The following CXCR5 variants were observed in gnomAD, a reference collection of about 807,000 sequenced individuals.
CXCR5 encodes the protein C-X-C chemokine receptor type 5.
A neutral mutation model predicts 5.6 loss-of-function variants in CXCR5; 3 were observed. That is an observed-to-expected ratio of 0.54 (90% CI 0.24 to 1.39). The LOEUF (loss-of-function observed/expected upper bound fraction) is 1.39. Among genes scored for constraint, CXCR5 ranks in the 40% most tolerant of loss-of-function variants. The probability of loss-of-function intolerance (pLI) is 0.16; values close to 1 mark genes in which losing one functional copy is unlikely to be tolerated. For missense variants in CXCR5, 333 were observed against 494.6 expected, an observed-to-expected ratio of 0.67 and a Z score of 3.10; for synonymous variants, 218 against 219.9, an observed-to-expected ratio of 0.99 and a Z score of 0.08.
Position 118,896,467 on chromosome 11 carries a change from T to G in CXCR5, c.*1804T>G, listed in dbSNP as rs1214845468. The G allele has an allele frequency of 6.6e-6, 1 of 151,696 alleles. No individual in the cohort carries two copies. The highest frequency in any genetic ancestry group is 1.5e-5 in the Non-Finnish European group (1 of 67,928). The allele number at this position is 151,696 out of a possible 1,614,324, so 9.4% of individuals were successfully genotyped here. On this transcript the variant is annotated 3_prime_UTR_variant, in exon 2 of 2. Coordinates refer to ENST00000292174, the MANE Select transcript of CXCR5 (RefSeq NM_001716.5). The stretch of plus-strand genomic sequence containing the variant: ...CACAGAGTCAGACAGTTTGGGGGGG[T>G]CTTGGGCCAGGGGTGGAGGGCTCAA...
rs1565607304 is a variant in CXCR5, at chr11:118,894,480, G to A, written c.936G>A (p.Leu312=). 4.3e-6 allele frequency: 7 copies of A among 1,611,540 alleles called. No homozygotes were observed. The highest frequency in any genetic ancestry group is 3.4e-6 in the Non-Finnish European group (4 of 1,178,316). Residue 312 remains leucine, a synonymous_variant, in exon 2 of 2, where the codon CTG becomes CTA. Coordinates refer to ENST00000292174, the MANE Select transcript of CXCR5 (RefSeq NM_001716.5). The surrounding 1 kb of genome is among the most constrained non-coding windows in gnomAD (Gnocchi z 6.1). The stretch of plus-strand genomic sequence containing the variant: ...TCACCATGTGTGAGTTCCTGGGCCT[G>A]GCCCACTGCTGCCTCAACCCCATGC... ...VAITMCEFLG[L]AHCCLNPMLY...
In CXCR5 at chr11:118,897,507, C is replaced by T; in HGVS notation, c.*2844C>T. ...ATGTTCTCCCTGAATCACTCAGCAG[C>T]AGACAGGCTGCCGCCCTGGGGGTCT... On this transcript the variant is annotated 3_prime_UTR_variant, in exon 2 of 2. Coordinates refer to ENST00000292174, the MANE Select transcript of CXCR5 (RefSeq NM_001716.5). The T allele has an allele frequency of 6.0e-6, 2 of 334,562 alleles. No homozygotes were observed. The highest frequency in any genetic ancestry group is 4.6e-5 in the South Asian group (2 of 43,802). 20.7% of individuals were successfully genotyped at this position (334,562 alleles called of 1,614,324 possible). A position where few individuals can be genotyped will look rare whatever the true frequency, so the allele number is the denominator to read the frequency against.
chr11:118,886,407 A>AT (rs1939711449), intron 1 of CXCR5: 1 of 426,314 alleles, frequency 2.3e-6, no homozygotes, highest in East Asian at 7.2e-5. Flanking sequence ...GTCATTCTGT[A>AT]TTCCATTTGT....
At position 118,893,963 on chromosome 11, in the gene CXCR5, T is replaced by A. The variant is rs1416706194; in HGVS notation, c.419T>A (p.Leu140Gln). The A allele has an allele frequency of 6.2e-7, 1 of 1,613,972 alleles. No homozygotes were observed. The highest frequency in any genetic ancestry group is 1.7e-5 in the Admixed American group (1 of 60,018). Residue 140 changes from leucine to glutamine, a missense_variant, in exon 2 of 2, where the codon CTG becomes CAG. Coordinates refer to ENST00000292174, the MANE Select transcript of CXCR5 (RefSeq NM_001716.5). The surrounding 1 kb of genome is among the most constrained non-coding windows in gnomAD (Gnocchi z 5.7). Reference protein sequence around the residue: ...KVNFYCSSLLLACIAVDRYLA... With the variant: ...KVNFYCSSLLQACIAVDRYLA... ...AACTTCTACTGCAGCAGCCTGCTCC[T>A]GGCCTGCATCGCCGTGGACCGCTAC...
intron 1 of CXCR5, chr11:118,887,373 T>C: frequency 1.0e-6 from 1 of 985,434 alleles, no homozygotes; most frequent in Non-Finnish European, 1.2e-6. Context: ...TCTGCCTGCA[T>C]CTTGGACTGT....
chr11:118,893,676 C>A lies in CXCR5; in HGVS notation c.132C>A (p.Pro44=). Residue 44 remains proline, a synonymous_variant, in exon 2 of 2, where the codon CCC becomes CCA. Coordinates refer to ENST00000292174, the MANE Select transcript of CXCR5 (RefSeq NM_001716.5). This position sits in a 1 kb window ranked among gnomAD's most constrained non-coding sequence, Gnocchi z 5.7. ...ENHLCPATEG[P]LMASFKAVFV... ...ATCTCTGCCCTGCCACAGAGGGGCC[C>A]CTCATGGCCTCCTTCAAGGCCGTGT... The A allele has an allele frequency of 6.2e-7, 1 of 1,613,952 alleles. No homozygotes were observed. The highest frequency in any genetic ancestry group is 8.5e-7 in the Non-Finnish European group (1 of 1,179,830).
intron 1 of CXCR5, among the ~76,000 whole-genome samples, chr11:118,890,300 G>A (rs1181429439): frequency 1.3e-5 from 2 of 152,170 alleles, no homozygotes; most frequent in African/African-American, 4.8e-5. Context: ...GTCAGCACAC[G>A]TCTGTCCTAC....
In CXCR5 at chr11:118,897,465, C is replaced by T. The variant is rs769215527; in HGVS notation, c.*2802C>T. 3.7e-6 allele frequency: 1 copy of T among 268,114 alleles called. No homozygotes were observed. The allele number at this position is 268,114 out of a possible 1,614,324, so 16.6% of individuals were successfully genotyped here. A position where few individuals can be genotyped will look rare whatever the true frequency, so the allele number is the denominator to read the frequency against. ...CCCGTGTCACCGGTGTGGGCAAACA[C>T]ACATGCACGTGCACACATGTTCTCC... On this transcript the variant is annotated 3_prime_UTR_variant, in exon 2 of 2. Transcript: ENST00000292174.
intron 1 of CXCR5, among the ~76,000 whole-genome samples, chr11:118,889,636 G>A (rs142007521): frequency 6.6e-5 from 10 of 152,212 alleles, no homozygotes; most frequent in Non-Finnish European, 1.0e-4. Flanking sequence ...TGCCACTCCC[G>A]AACCCCCAAA....
At chr11:118,887,270 C>T (rs907538887) in intron 1 of CXCR5, 1 of 985,268 alleles carries the variant, frequency 1.0e-6, no homozygotes, top group Non-Finnish European at 1.2e-6. Flanking sequence ...AATCAGGACA[C>T]AAGAATGAGC....
chr11:118,892,145 T>C (rs1228731374), intron 1 of CXCR5, among the ~76,000 whole-genome samples: 2 of 152,150 alleles, frequency 1.3e-5, no homozygotes, highest in East Asian at 3.8e-4. Flanking sequence ...GGCAGAGGGA[T>C]GCTGCGGGAA....
At position 118,894,508 on chromosome 11, in the gene CXCR5, T is replaced by C; in HGVS notation, c.964T>C (p.Tyr322His). The change falls in exon 2 of 2, where the codon TAC becomes CAC. Residue 322 changes from tyrosine (Y) to histidine (H), a missense_variant. Physicochemically the swap from Tyr to His is moderately conservative, Grantham distance 83. Coordinates refer to ENST00000292174, the MANE Select transcript of CXCR5 (RefSeq NM_001716.5). The surrounding 1 kb of genome is among the most constrained non-coding windows in gnomAD (Gnocchi z 6.1). Reference protein sequence around the residue: ...LAHCCLNPMLYTFAGVKFRSD... With the variant: ...LAHCCLNPMLHTFAGVKFRSD... ...CCACTGCTGCCTCAACCCCATGCTC[T>C]ACACTTTCGCCGGCGTGAAGTTCCG... The C allele has an allele frequency of 6.3e-7, 1 of 1,598,998 alleles. No homozygotes were observed. The highest frequency in any genetic ancestry group is 8.5e-7 in the Non-Finnish European group (1 of 1,170,374).
chr11:118,891,871 CAAAA>C (rs754547926), intron 1 of CXCR5, among the ~76,000 whole-genome samples: 1 of 34,614 alleles, frequency 2.9e-5, no homozygotes, highest in African/African-American at 8.7e-5. Context: ...AACTCCCCCT[CAAAA>C]AAAAAAAAAA....
chr11:118,893,673 G>A lies in CXCR5; in HGVS notation c.129G>A (p.Gly43=), dbSNP rs2230319. ...VENHLCPATE[G]PLMASFKAVF... is the part of the protein sequence containing the mutation. ...ATCATCTCTGCCCTGCCACAGAGGG[G>A]CCCCTCATGGCCTCCTTCAAGGCCG... is the stretch of plus-strand genomic sequence containing the variant. Residue 43 remains glycine, a synonymous_variant, in exon 2 of 2, where the codon GGG becomes GGA. Coordinates refer to ENST00000292174, the MANE Select transcript of CXCR5 (RefSeq NM_001716.5). This position sits in a 1 kb window ranked among gnomAD's most constrained non-coding sequence, Gnocchi z 5.7. 1.2e-6 allele frequency: 2 copies of A among 1,613,634 alleles called. No individual in the cohort carries two copies. The highest frequency in any genetic ancestry group is 1.7e-5 in the Admixed American group (1 of 60,012).
intron 1 of CXCR5, chr11:118,887,290 A>G (rs1939728149): frequency 1.0e-6 from 1 of 985,340 alleles, no homozygotes; most frequent in Admixed American, 6.1e-5. Context: ...CATTCTTTCA[A>G]GAGTGGTGGG....
At chr11:118,884,928 T>C (rs1939687567) in intron 1 of CXCR5, among the ~76,000 whole-genome samples, 2 of 152,098 alleles carry the variant, frequency 1.3e-5, no homozygotes, top group Admixed American at 6.5e-5. Flanking sequence ...CTGTCTTTTC[T>C]CCCCCTGGAG....
At chr11:118,884,105 C>A in intron 1 of CXCR5, 113 bp downstream of exon 1, 2 of 1,071,008 alleles carry the variant, frequency 1.9e-6, no homozygotes, top group Non-Finnish European at 2.8e-6. Context: ...CACTGTGGAT[C>A]TGTAAAATCT....
intron 1 of CXCR5, among the ~76,000 whole-genome samples, chr11:118,884,303 T>C (rs1939675449): frequency 6.6e-6 from 1 of 152,198 alleles, no homozygotes; most frequent in African/African-American, 2.4e-5. Flanking sequence ...CCATTCTTTC[T>C]CTCCTTTTCT....
chr11:118,892,652 T>C (rs1435602149), intron 1 of CXCR5, among the ~76,000 whole-genome samples: 1 of 111,532 alleles, frequency 9.0e-6, no homozygotes, highest in Non-Finnish European at 1.8e-5. Flanking sequence ...GTAAACAACC[T>C]GAGTGCTGGG....
Sources: allele counts gnomAD v4.1 joint callset (sites outside exome capture counted in the v4.1 genomes callset), GRCh38; gene constraint gnomAD v4.1.1; non-coding constraint Gnocchi (gnomAD v3.1); transcripts MANE v1.5; gene names NCBI Gene and HGNC (gene_info 2026-07-23, HGNC 2026-07-21).